PPP1R13B: variants seen among roughly 807,000 people sequenced by gnomAD.
PPP1R13B encodes the protein protein phosphatase 1 regulatory subunit 13B.
PPP1R13B carries 44 observed loss-of-function variants against 119.8 expected under a neutral mutation model. The observed-to-expected ratio is 0.37, with a 90% confidence interval of 0.29 to 0.47. PPP1R13B has a LOEUF of 0.47. Ranked by LOEUF, PPP1R13B falls within the 20% of genes least tolerant of loss-of-function variation. PPP1R13B has a pLI of 0.99. For synonymous variants in PPP1R13B, 542 were observed against 561.5 expected, an observed-to-expected ratio of 0.97 and a Z score of 0.49; for missense variants, 1,227 against 1,413.5, an observed-to-expected ratio of 0.87 and a Z score of 2.12.
chr14:103,843,686 G>A (rs572944440), intron 1 of PPP1R13B, among the ~76,000 whole-genome samples: 9 of 152,356 alleles, frequency 5.9e-5, no homozygotes, highest in Admixed American at 4.6e-4. Flanking sequence ...AGAGCGCAGT[G>A]GCATACGCCT....
At chr14:103,803,566 C>T (rs2085949985) in intron 1 of PPP1R13B, among the ~76,000 whole-genome samples, 2 of 152,142 alleles carry the variant, frequency 1.3e-5, no homozygotes, top group South Asian at 2.1e-4. Context: ...TGCTGTGAAC[C>T]CGGGAGGTGG....
At chr14:103,761,590 T>C (rs1273209897) in intron 4 of PPP1R13B, among the ~76,000 whole-genome samples, 3 of 151,830 alleles carry the variant, frequency 2.0e-5, no homozygotes, top group Non-Finnish European at 2.9e-5. Flanking sequence ...GGTGAAACAC[T>C]GTCTCTACTA....
At chr14:103,752,021 G>A (rs1309410518) in intron 7 of PPP1R13B, among the ~76,000 whole-genome samples, 4 of 152,278 alleles carry the variant, frequency 2.6e-5, no homozygotes, top group Middle Eastern at 3.4e-3. Flanking sequence ...CGGTCACAAA[G>A]GACCGCATAC....
chr14:103,844,625 A>G (rs1289460737), intron 1 of PPP1R13B, among the ~76,000 whole-genome samples: 1 of 152,066 alleles, frequency 6.6e-6, no homozygotes, highest in East Asian at 1.9e-4. Flanking sequence ...GCTACTCAGG[A>G]GGCTGGGGCA....
At chr14:103,813,383 T>C (rs1055372205) in intron 1 of PPP1R13B, among the ~76,000 whole-genome samples, 2 of 152,310 alleles carry the variant, frequency 1.3e-5, no homozygotes, top group South Asian at 2.1e-4. Context: ...GGTTTGGCTG[T>C]GCCCCACCCA....
chr14:103,807,911 A>G (rs2086056489), intron 1 of PPP1R13B, among the ~76,000 whole-genome samples: 1 of 152,162 alleles, frequency 6.6e-6, no homozygotes, highest in Admixed American at 6.6e-5. Flanking sequence ...TCACTGAATT[A>G]GTCCACATCA....
At chr14:103,750,596 C>G (rs535062000) in intron 7 of PPP1R13B, among the ~76,000 whole-genome samples, 4 of 152,138 alleles carry the variant, frequency 2.6e-5, no homozygotes, top group Admixed American at 6.6e-5. Context: ...TCTGGGAGGC[C>G]GAGGTGGGTG....
intron 4 of PPP1R13B, among the ~76,000 whole-genome samples, chr14:103,759,991 G>A (rs1053010146): frequency 1.3e-5 from 2 of 152,058 alleles, no homozygotes; most frequent in African/African-American, 4.8e-5. Context: ...GAAATTTTAT[G>A]GAAGATCTTA....
rs75501913 is a variant in PPP1R13B at position 103,836,266 on chromosome 14, G to C, written c.9+11033C>G. On this transcript the variant is annotated intron_variant, in intron 1 of 16. Coordinates refer to ENST00000202556, the MANE Select transcript of PPP1R13B (RefSeq NM_015316.3). ...TCACTATGTTGGCGAGGCTGGTCTC[G>C]AATTCCTGACCTCAGGTGATCCGCC... 7.0e-3 allele frequency among the ~76,000 whole-genome samples: 1,043 copies of C among 148,768 alleles called. 15 individuals carry two copies. Among genetic ancestry groups the C allele is most frequent in the African/African-American group, 0.025 (993 of 40,454 alleles).
rs2084033991 is a variant in PPP1R13B, at chr14:103,734,345, C to T, written c.*809G>A. On this transcript the variant is annotated 3_prime_UTR_variant, in exon 17 of 17. Coordinates refer to ENST00000202556, the MANE Select transcript of PPP1R13B (RefSeq NM_015316.3). Reference sequence around the variant, plus strand: ...CCCCAGCCCCAACCCCAACCACCCTCCGCTGCCACGGCCTCCAGCACCTGA... The same window carrying T: ...CCCCAGCCCCAACCCCAACCACCCTTCGCTGCCACGGCCTCCAGCACCTGA... 5.3e-6 allele frequency: 2 copies of T among 373,906 alleles called. No homozygotes were observed. Among genetic ancestry groups the T allele is most frequent in the Non-Finnish European group, 1.1e-5 (2 of 185,682 alleles). The allele number at this position is 373,906 out of a possible 1,614,324, so 23.2% of individuals were successfully genotyped here. A position where few individuals can be genotyped will look rare whatever the true frequency, so the allele number is the denominator to read the frequency against.
At chr14:103,835,249 A>G (rs2086748995) in intron 1 of PPP1R13B, among the ~76,000 whole-genome samples, 1 of 151,962 alleles carries the variant, frequency 6.6e-6, no homozygotes, top group South Asian at 2.1e-4. Flanking sequence ...TGGCCTCCTG[A>G]GTAGCTGGGA....
intron 8 of PPP1R13B, among the ~76,000 whole-genome samples, chr14:103,748,716 G>A (rs1430587797): frequency 6.6e-6 from 1 of 152,182 alleles, no homozygotes; most frequent in Non-Finnish European, 1.5e-5. Context: ...CCATGCAGGC[G>A]GCTCAGTGGT....
intron 2 of PPP1R13B, among the ~76,000 whole-genome samples, chr14:103,793,234 C>A (rs2085672641): frequency 6.6e-6 from 1 of 151,980 alleles, no homozygotes; most frequent in African/African-American, 2.4e-5. Context: ...AAGGAAAAAA[C>A]ACTACTGATC....
Position 103,740,108 on chromosome 14 carries a change from C to T in PPP1R13B, c.2308G>A (p.Glu770Lys), listed in dbSNP as rs1260360960. The change falls in exon 12 of 17, where the codon GAA becomes AAA. Residue 770 changes from glutamate to lysine, a missense_variant. Transcript: ENST00000202556. The surrounding 1 kb of genome is among the most constrained non-coding windows in gnomAD (Gnocchi z 4.6). Reference protein sequence around the residue: ...NGNTNANGNLEELPPAQPTAP... With the variant: ...NGNTNANGNLKELPPAQPTAP... The stretch of plus-strand genomic sequence containing the variant: ...GTGGGCTGGGCAGGGGGGAGCTCTT[C>T]CAGGTTTCCATTGGCATTGGTGTTT... 2 of 1,613,584 alleles carry T rather than the reference C, an allele frequency of 1.2e-6. No homozygotes were observed. Among genetic ancestry groups the T allele is most frequent in the African/African-American group, 1.3e-5 (1 of 74,918 alleles).
intron 3 of PPP1R13B, among the ~76,000 whole-genome samples, chr14:103,782,988 A>T (rs1007546302): frequency 2.6e-5 from 4 of 151,950 alleles, no homozygotes; most frequent in African/African-American, 9.7e-5. Flanking sequence ...TATTTTTAGT[A>T]GAGACGGGGG....
At chr14:103,759,701 A>C (rs1403746611) in intron 4 of PPP1R13B, among the ~76,000 whole-genome samples, 1 of 152,110 alleles carries the variant, frequency 6.6e-6, no homozygotes, top group Non-Finnish European at 1.5e-5. Context: ...AAAAAAAAAA[A>C]TCAAAAACTA....
At position 103,742,715 on chromosome 14, in the gene PPP1R13B, T is replaced by C. The variant is rs2084290065; in HGVS notation, c.1259A>G (p.Lys420Arg). The C allele has an allele frequency of 1.2e-6, 2 of 1,613,966 alleles. No individual in the cohort carries two copies. Among genetic ancestry groups the C allele is most frequent in the African/African-American group, 1.3e-5 (1 of 74,934 alleles). ...WKDPSVEGSVKQGTVSSQPVP... is the reference protein window; with the variant it reads ...WKDPSVEGSVRQGTVSSQPVP... ...AGGCTGGCTGGAGACAGTGCCCTGC[T>C]TGACAGACCCCTCCACGCTCGGATC... Residue 420 changes from lysine (K) to arginine (R), a missense_variant, in exon 10 of 17, where the codon AAG becomes AGG. Transcript: ENST00000202556. This position sits in a 1 kb window ranked among gnomAD's most constrained non-coding sequence, Gnocchi z 4.9.
In PPP1R13B at chr14:103,733,242, C is replaced by T; in HGVS notation, c.*1912G>A. 1 of 591,422 alleles carries T rather than the reference C, an allele frequency of 1.7e-6. No individual in the cohort carries two copies. Among genetic ancestry groups the T allele is most frequent in the Non-Finnish European group, 2.9e-6 (1 of 341,284 alleles). 36.6% of individuals were successfully genotyped at this position (591,422 alleles called of 1,614,324 possible). On this transcript the variant is annotated 3_prime_UTR_variant, in exon 17 of 17. Coordinates refer to ENST00000202556, the MANE Select transcript of PPP1R13B (RefSeq NM_015316.3). ...TCATGTTTTAGAATTTGTGTATTGTCAATACTTAATTGGGGGTGGGAGAGA... is the reference window on the plus strand; with the variant it reads ...TCATGTTTTAGAATTTGTGTATTGTTAATACTTAATTGGGGGTGGGAGAGA...
intron 1 of PPP1R13B, among the ~76,000 whole-genome samples, chr14:103,797,801 G>A (rs1008743421): frequency 6.6e-6 from 1 of 151,608 alleles, no homozygotes; most frequent in Non-Finnish European, 1.5e-5. Context: ...AGATCAATGG[G>A]GCAAAGTCAT....
Sources: allele counts gnomAD v4.1 joint callset (sites outside exome capture counted in the v4.1 genomes callset), GRCh38; gene constraint gnomAD v4.1.1; non-coding constraint Gnocchi (gnomAD v3.1); transcripts MANE v1.5; gene names NCBI Gene and HGNC (gene_info 2026-07-23, HGNC 2026-07-21).